Variants in PLA2G10 observed in about 807,000 individuals in gnomAD.
PLA2G10 encodes the protein group 10 secretory phospholipase A2.
A neutral mutation model predicts 7.9 loss-of-function variants in PLA2G10; 9 were observed. The ratio of observed to expected loss-of-function variants is 1.14; its 90% CI spans 0.68 to 1.98. The LOEUF is 1.98. PLA2G10 is among the 30% of genes most tolerant of loss of function. PLA2G10 has a pLI of 0.00. For missense variants in PLA2G10, 53 were observed against 65.4 expected (o/e 0.81, Z 0.66); for synonymous variants, 19 against 27.5 (o/e 0.69, Z 0.97).
At chr16:14,676,503 AC>A (rs1960729690) in intron 3 of PLA2G10, among the ~76,000 whole-genome samples, 1 of 152,122 alleles carries the variant, frequency 6.6e-6, no homozygotes, top group South Asian at 2.1e-4. Flanking sequence ...ATATGGTGAA[AC>A]CCCATCTCTA....
intron 3 of PLA2G10, among the ~76,000 whole-genome samples, chr16:14,683,577 A>T (rs1031353821): frequency 2.0e-5 from 3 of 152,108 alleles, no homozygotes; most frequent in Non-Finnish European, 4.4e-5. Context: ...AATGGGGAAG[A>T]GTCTCTTCAA....
chr16:14,673,288 G>T (rs1380220076), intron 3 of PLA2G10, among the ~76,000 whole-genome samples: 5 of 151,990 alleles, frequency 3.3e-5, no homozygotes, highest in African/African-American at 1.2e-4. Flanking sequence ...CTCCGAAAGT[G>T]CTGGGATTAC....
chr16:14,675,171 CA>C (rs1166594325), intron 3 of PLA2G10, among the ~76,000 whole-genome samples: 1,243 of 66,898 alleles, frequency 0.019, 8 homozygotes, highest in Middle Eastern at 0.019. Flanking sequence ...AACTCCATCT[CA>C]AAAAAAAAAA....
chr16:14,681,652 A>C (rs967775776), intron 3 of PLA2G10, among the ~76,000 whole-genome samples: 1 of 151,924 alleles, frequency 6.6e-6, no homozygotes, highest in Non-Finnish European at 1.5e-5. Flanking sequence ...TAAATGGAAA[A>C]TGGGCCAAAC....
intron 3 of PLA2G10, among the ~76,000 whole-genome samples, chr16:14,677,559 GT>G (rs1362522281): frequency 6.6e-6 from 1 of 152,118 alleles, no homozygotes; most frequent in Non-Finnish European, 1.5e-5. Context: ...TAGAGACCGG[GT>G]TTTACCATGT....
chr16:14,675,086 G>A (rs963197286), intron 3 of PLA2G10, among the ~76,000 whole-genome samples: 4 of 151,270 alleles, frequency 2.6e-5, no homozygotes, highest in Admixed American at 2.0e-4. Context: ...CAGAAGGATC[G>A]CTTGAACCCG....
intron 3 of PLA2G10, among the ~76,000 whole-genome samples, chr16:14,680,095 G>T (rs1197520582): frequency 7.6e-5 from 11 of 144,744 alleles, no homozygotes; most frequent in Admixed American, 3.7e-4. Context: ...CTTTCTTTTT[G>T]CTTTTCTTTT....
chr16:14,676,769 G>A (rs932467124), intron 3 of PLA2G10, among the ~76,000 whole-genome samples: 8 of 152,146 alleles, frequency 5.3e-5, no homozygotes, highest in African/African-American at 1.9e-4. Flanking sequence ...GCAGCAACTT[G>A]GATGAAGCTG....
intron 3 of PLA2G10, among the ~76,000 whole-genome samples, chr16:14,686,192 C>T (rs1018093839): frequency 6.6e-6 from 1 of 151,984 alleles, no homozygotes; most frequent in African/African-American, 2.4e-5. Context: ...TAGGGTTTCA[C>T]CATGTTGCCC....
rs370199511 is a variant in PLA2G10 at position 14,682,328 on chromosome 16, A to G, written c.355+5837T>C. ...CCGGGCGCGGTGGCTCGTGCCTGTA[A>G]TCCCAAAACTTTGGGAGGCCGAGGC... On this transcript the variant is annotated intron_variant, in intron 3 of 3. Transcript: ENST00000438167. Among the ~76,000 whole-genome samples the G allele has an allele frequency of 2.0e-5, 3 of 152,316 alleles. No individual in the cohort carries two copies. The East Asian group carries it at 5.8e-4, about 29-fold the overall frequency.
chr16:14,685,909 G>A lies in PLA2G10; in HGVS notation c.355+2256C>T, dbSNP rs570396956. Among the ~76,000 whole-genome samples the A allele has an allele frequency of 2.5e-4, 38 of 151,182 alleles. No individual in the cohort carries two copies. In the South Asian group the frequency reaches 4.0e-3, roughly 16 times the overall value. On this transcript the variant is annotated intron_variant, in intron 3 of 3. Transcript: ENST00000438167. ...AGGCTGGTCTGGAACTCCTGACCTCGTGATCCGCCCACCTCAGCCTCCCAA... is the reference window on the plus strand; with the variant it reads ...AGGCTGGTCTGGAACTCCTGACCTCATGATCCGCCCACCTCAGCCTCCCAA...
At chr16:14,678,542 G>C (rs1358261715) in intron 3 of PLA2G10, 1 of 231,780 alleles carries the variant, frequency 4.3e-6, no homozygotes, top group Non-Finnish European at 8.8e-6. Context: ...GCCGAGGTAG[G>C]TGGGTCACCC....
intron 3 of PLA2G10, among the ~76,000 whole-genome samples, chr16:14,685,416 T>G (rs758842916): frequency 6.6e-6 from 1 of 151,364 alleles, no homozygotes; most frequent in Admixed American, 6.6e-5. Flanking sequence ...TCAAAAACAT[T>G]ATACTAAGTG....
chr16:14,701,826 T>C, the PLA2G10 span: 2 of 61,620 alleles, frequency 3.2e-5, no homozygotes, highest in African/African-American at 9.6e-5. Context: ...GAGGCTGCAG[T>C]CAACAGTGAC....
At chr16:14,677,489 C>T (rs1960754120) in intron 3 of PLA2G10, among the ~76,000 whole-genome samples, 1 of 152,148 alleles carries the variant, frequency 6.6e-6, no homozygotes, top group African/African-American at 2.4e-5. Flanking sequence ...GCCTCAGCCT[C>T]CCGAGTAGCT....
intron 3 of PLA2G10, among the ~76,000 whole-genome samples, chr16:14,680,040 C>A (rs1268413348): frequency 2.0e-5 from 3 of 151,966 alleles, no homozygotes; most frequent in African/African-American, 7.2e-5. Context: ...ATATACATGA[C>A]CTCTTATGTC....
At chr16:14,674,657 T>G (rs1018898869) in intron 3 of PLA2G10, among the ~76,000 whole-genome samples, 6 of 151,038 alleles carry the variant, frequency 4.0e-5, no homozygotes, top group African/African-American at 1.5e-4. Context: ...GCTGAGATCA[T>G]GCCCCCTGCA....
At chr16:14,685,063 A>C (rs1422821993) in intron 3 of PLA2G10, among the ~76,000 whole-genome samples, 4 of 152,160 alleles carry the variant, frequency 2.6e-5, no homozygotes, top group Non-Finnish European at 5.9e-5. Context: ...TGACGTACTG[A>C]CACATGCTAT....
intron 3 of PLA2G10, among the ~76,000 whole-genome samples, chr16:14,679,486 C>A (rs911018467): frequency 2.0e-5 from 3 of 151,862 alleles, no homozygotes; most frequent in African/African-American, 7.3e-5. Context: ...ATAGAGAAAA[C>A]CCATCTCTAC....
Sources: allele counts gnomAD v4.1 joint callset (sites outside exome capture counted in the v4.1 genomes callset), GRCh38; gene constraint gnomAD v4.1.1; transcripts MANE v1.5; gene names NCBI Gene and HGNC (gene_info 2026-07-23, HGNC 2026-07-21).